Variants in FGF3 observed in about 807,000 individuals in gnomAD.
FGF3 encodes the protein fibroblast growth factor 3.
FGF3 carries 7 observed loss-of-function variants against 9.8 expected under a neutral mutation model. The observed-to-expected ratio is 0.72, with a 90% CI of 0.41 to 1.35. The LOEUF is 1.35. Among genes scored for constraint, FGF3 ranks in the 40% most tolerant of loss-of-function variants. FGF3 has a pLI of 0.01. For synonymous variants in FGF3, 173 were observed against 157.2 expected (o/e 1.10, Z -0.75); for missense variants, 390 against 345.6 (o/e 1.13, Z -1.02).
In FGF3 at chr11:69,810,239, G is replaced by A. The variant is rs1318728159; in HGVS notation, c.*66C>T. ...CAGGGGCAAGGGCTCAAGGAGGAGA[G>A]TCAGAGTCAAGAGGCTGCCACGCCA... On this transcript the variant is annotated 3_prime_UTR_variant, in exon 3 of 3. Transcript: ENST00000334134. The A allele has an allele frequency of 4.2e-6, 6 of 1,419,066 alleles. No individual in the cohort carries two copies. The highest frequency in any genetic ancestry group is 2.5e-5 in the East Asian group (1 of 39,858). The allele number at this position is 1,419,066 out of a possible 1,614,324, so 87.9% of individuals were successfully genotyped here.
chr11:69,815,788 T>G (rs1228127602), intron 2 of FGF3, among the ~76,000 whole-genome samples: 12 of 152,048 alleles, frequency 7.9e-5, no homozygotes, highest in African/African-American at 2.9e-4. Context: ...ATAGACTGGG[T>G]CCCAAGCCAG....
chr11:69,810,743 T>TC, intron 2 of FGF3, 43 bp from the exon 3 acceptor site: 3 of 1,487,624 alleles, frequency 2.0e-6, no homozygotes, highest in South Asian at 2.8e-5. Flanking sequence ...GGGGAGACTG[T>TC]GGCAGCGTCA....
intron 1 of FGF3, among the ~76,000 whole-genome samples, chr11:69,818,356 G>A (rs1856175556): frequency 6.6e-6 from 1 of 152,168 alleles, no homozygotes; most frequent in Admixed American, 6.5e-5. Context: ...GCAGAGCCTG[G>A]AGCCCCGGGG....
chr11:69,819,005 C>A lies in FGF3; in HGVS notation c.-72G>T. 6 of 1,035,132 alleles carry A rather than the reference C, an allele frequency of 5.8e-6. No individual in the cohort carries two copies. The South Asian group carries it at 1.1e-4, about 18-fold the overall frequency. 64.1% of individuals were successfully genotyped at this position (1,035,132 alleles called of 1,614,324 possible). A position where few individuals can be genotyped will look rare whatever the true frequency, so the allele number is the denominator to read the frequency against. ...CGGCGCCCATGGAAGGGGCGGCAGCCGGACAGCTGCGAGGTGCTCGGAGCG... is the reference window on the plus strand; with the variant it reads ...CGGCGCCCATGGAAGGGGCGGCAGCAGGACAGCTGCGAGGTGCTCGGAGCG... On this transcript the variant is annotated 5_prime_UTR_variant, in exon 1 of 3. Transcript: ENST00000334134.
intron 2 of FGF3, among the ~76,000 whole-genome samples, chr11:69,815,822 G>A (rs545688009): frequency 9.9e-5 from 15 of 152,098 alleles, no homozygotes; most frequent in Admixed American, 6.5e-5. Flanking sequence ...CTGTGTGCCC[G>A]GGACATGGGC....
At chr11:69,816,680 G>A (rs782163140) in intron 1 of FGF3, among the ~76,000 whole-genome samples, 1 of 152,190 alleles carries the variant, frequency 6.6e-6, no homozygotes, top group Non-Finnish European at 1.5e-5. Context: ...ACCTGCTGAC[G>A]CTGCCTGCAC....
Position 69,816,377 on chromosome 11 carries a change from C to G in FGF3, c.267G>C (p.Arg89Ser). 1 of 1,614,100 alleles carries G rather than the reference C, an allele frequency of 6.2e-7. No individual in the cohort carries two copies. The highest frequency in any genetic ancestry group is 8.5e-7 in the Non-Finnish European group (1 of 1,180,002). The change falls in exon 2 of 3, where the codon AGG becomes AGC. Residue 89 changes from arginine to serine, a missense_variant. Transcript: ENST00000334134. ...TAVEVGIVAI[R>S]GLFSGRYLAM... ...CCAGGTACCGCCCGGAGAAGAGACC[C>G]CTGATGGCCACAATGCCCACCTCCA... is the stretch of plus-strand genomic sequence containing the variant.
intron 2 of FGF3, among the ~76,000 whole-genome samples, chr11:69,812,896 G>C (rs1423277032): frequency 6.6e-6 from 1 of 152,188 alleles, no homozygotes; most frequent in Non-Finnish European, 1.5e-5. Context: ...GCTCTCCCAA[G>C]GTGGGAGATT....
chr11:69,810,184 G>A lies in FGF3; in HGVS notation c.*121C>T. On this transcript the variant is annotated 3_prime_UTR_variant, in exon 3 of 3. Transcript: ENST00000334134. ...CTGGACCCTGATTTGAGCTGGCTCT[G>A]GAAATAGCTGAGAACCCAGACGCGG... The A allele has an allele frequency of 9.8e-7, 1 of 1,018,298 alleles. No homozygotes were observed. Among genetic ancestry groups the A allele is most frequent in the Non-Finnish European group, 1.4e-6 (1 of 718,632 alleles). The allele number at this position is 1,018,298 out of a possible 1,614,324, so 63.1% of individuals were successfully genotyped here. A position where few individuals can be genotyped will look rare whatever the true frequency, so the allele number is the denominator to read the frequency against.
chr11:69,810,150 C>T lies in FGF3; in HGVS notation c.*155G>A. 1.4e-6 allele frequency: 1 copy of T among 733,866 alleles called. No homozygotes were observed. Among genetic ancestry groups the T allele is most frequent in the Non-Finnish European group, 2.1e-6 (1 of 469,948 alleles). 45.5% of individuals were successfully genotyped at this position (733,866 alleles called of 1,614,324 possible). A position where few individuals can be genotyped will look rare whatever the true frequency, so the allele number is the denominator to read the frequency against. ...TCCGAGCTCCGACTTGGGCCCTCTT[C>T]AGTTCCCACTGGACCCTGATTTGAG... On this transcript the variant is annotated 3_prime_UTR_variant, in exon 3 of 3. Coordinates refer to ENST00000334134, the MANE Select transcript of FGF3 (RefSeq NM_005247.4).
At chr11:69,817,203 A>G (rs1856148675) in intron 1 of FGF3, among the ~76,000 whole-genome samples, 1 of 151,892 alleles carries the variant, frequency 6.6e-6, no homozygotes, top group Admixed American at 6.5e-5. Context: ...TTGTCTCCCA[A>G]TAGAGGCTGC....
intron 2 of FGF3, among the ~76,000 whole-genome samples, chr11:69,813,553 T>C (rs1554980661): frequency 6.6e-6 from 1 of 150,618 alleles, no homozygotes; most frequent in Non-Finnish European, 1.5e-5. Flanking sequence ...GGTGGGTGGA[T>C]GGATGGATGG....
At chr11:69,813,332 G>GC (rs1319829454) in intron 2 of FGF3, among the ~76,000 whole-genome samples, 2 of 152,272 alleles carry the variant, frequency 1.3e-5, no homozygotes, top group Non-Finnish European at 2.9e-5. Context: ...CTGGATGACA[G>GC]CCCCCCTGGG....
At chr11:69,817,799 G>A (rs1040787760) in intron 1 of FGF3, among the ~76,000 whole-genome samples, 1 of 152,216 alleles carries the variant, frequency 6.6e-6, no homozygotes, top group African/African-American at 2.4e-5. Flanking sequence ...CGCTCCCCAC[G>A]CGGTCCTCCC....
rs782709250 is a variant in FGF3, at chr11:69,810,297, A to G, written c.*8T>C. 5 of 1,552,112 alleles carry G rather than the reference A, an allele frequency of 3.2e-6. No homozygotes were observed. The highest frequency in any genetic ancestry group is 4.4e-6 in the Non-Finnish European group (5 of 1,143,300). ...GCCAGGAGCTCTGGCGGTGGCCACC[A>G]GGCCCAGCTAGTGCGCACTGGCCTC... On this transcript the variant is annotated 3_prime_UTR_variant, in exon 3 of 3. Transcript: ENST00000334134.
At chr11:69,815,758 C>T (rs1488296518) in intron 2 of FGF3, among the ~76,000 whole-genome samples, 1 of 152,152 alleles carries the variant, frequency 6.6e-6, no homozygotes, top group Non-Finnish European at 1.5e-5. Flanking sequence ...TTTTTGGTTA[C>T]ACGGAGGCCC....
chr11:69,810,787 C>T (rs1403176416), intron 2 of FGF3, 87 bp from the exon 3 acceptor site: 20 of 1,255,860 alleles, frequency 1.6e-5, no homozygotes, highest in Non-Finnish European at 2.0e-5. Flanking sequence ...CCCTCCCCTC[C>T]TGTGAGGCTG....
rs376445217 is a variant in FGF3, at chr11:69,810,667, G to A, written c.358C>T (p.Arg120Trp). Residue 120 changes from arginine (R) to tryptophan (W), a missense_variant, in exon 3 of 3, where the codon CGG becomes TGG. By Grantham distance (101) the Arg-to-Trp change is moderately radical. Transcript: ENST00000334134. ...GTATTATAGCCCAGCTCGTGGATCCGCTCCACAAACTCGCACTCGGCGCTG... is the reference window on the plus strand; with the variant it reads ...GTATTATAGCCCAGCTCGTGGATCCACTCCACAAACTCGCACTCGGCGCTG... ...HYSAECEFVE[R>W]IHELGYNTYA... 34 of 1,592,164 alleles carry A rather than the reference G, an allele frequency of 2.1e-5. No homozygotes were observed. Among genetic ancestry groups the A allele is most frequent in the Middle Eastern group, 1.7e-4 (1 of 5,996 alleles).
At chr11:69,812,844 G>A (rs1554980574) in intron 2 of FGF3, among the ~76,000 whole-genome samples, 1 of 152,196 alleles carries the variant, frequency 6.6e-6, no homozygotes, top group Non-Finnish European at 1.5e-5. Flanking sequence ...GTGGGTCACT[G>A]AAGGACAGGT....
Sources: allele counts gnomAD v4.1 joint callset (sites outside exome capture counted in the v4.1 genomes callset), GRCh38; gene constraint gnomAD v4.1.1; transcripts MANE v1.5; gene names NCBI Gene and HGNC (gene_info 2026-07-23, HGNC 2026-07-21).